NAALAD2: variants seen among roughly 807,000 people sequenced by gnomAD.
NAALAD2 encodes N-acetylated-alpha-linked acidic dipeptidase 2.
NAALAD2 carries 89 observed loss-of-function variants against 95.6 expected under a neutral mutation model. The observed-to-expected ratio is 0.93, with a 90% CI of 0.78 to 1.11. NAALAD2 has a LOEUF of 1.11. NAALAD2 is among the 50% of genes least tolerant of loss of function. The pLI is 0.00. For synonymous variants in NAALAD2, 264 were observed against 294.4 expected, an observed-to-expected ratio of 0.90 and a Z score of 1.06; for missense variants, 894 against 872.4, an observed-to-expected ratio of 1.02 and a Z score of -0.31.
intron 11 of NAALAD2, among the ~76,000 whole-genome samples, chr11:90,166,317 GTA>G (rs1364179421): frequency 1.0e-3 from 157 of 152,236 alleles, no homozygotes; most frequent in African/African-American, 3.6e-3. Context: ...TTGTGTATGT[GTA>G]TGAGAGAGAG....
chr11:90,191,254 T>C (rs1338183923), intron 18 of NAALAD2, among the ~76,000 whole-genome samples: 1 of 151,782 alleles, frequency 6.6e-6, no homozygotes, highest in East Asian at 1.9e-4. Context: ...GTTATCACCA[T>C]ATTTGTGGAT....
At chr11:90,185,104 A>G (rs1236209537) in intron 18 of NAALAD2, among the ~76,000 whole-genome samples, 2 of 151,928 alleles carry the variant, frequency 1.3e-5, no homozygotes, top group African/African-American at 2.4e-5. Flanking sequence ...TCTGGAACCA[A>G]TCCCCCATGG....
At chr11:90,186,959 T>G (rs1591032643) in intron 18 of NAALAD2, among the ~76,000 whole-genome samples, 2 of 145,038 alleles carry the variant, frequency 1.4e-5, no homozygotes, top group Admixed American at 1.4e-4. Flanking sequence ...GAATCTACAA[T>G]GAACTCAAAC....
chr11:90,148,186 T>C (rs1321244881), intron 3 of NAALAD2, among the ~76,000 whole-genome samples: 1 of 152,138 alleles, frequency 6.6e-6, no homozygotes, highest in Non-Finnish European at 1.5e-5. Flanking sequence ...CCTCTATGGA[T>C]CACACCTAGG....
At chr11:90,139,575 T>C (rs1565508467) in intron 2 of NAALAD2, among the ~76,000 whole-genome samples, 1 of 152,174 alleles carries the variant, frequency 6.6e-6, no homozygotes, top group African/African-American at 2.4e-5. Flanking sequence ...CCTCCTCTTA[T>C]CTCGACACTT....
chr11:90,181,827 C>A, intron 17 of NAALAD2, 126 bp downstream of exon 17: 1 of 616,570 alleles, frequency 1.6e-6, no homozygotes. Flanking sequence ...GTCTGCAAAT[C>A]AGCAATAGCA....
chr11:90,153,664 T>C lies in NAALAD2; in HGVS notation c.796+1180T>C, dbSNP rs563170265. Among the ~76,000 whole-genome samples the C allele has an allele frequency of 3.9e-5, 6 of 152,200 alleles. No individual in the cohort carries two copies. In the South Asian group the frequency reaches 1.0e-3, roughly 26 times the overall value. ...GGAGAATTGGCAATATTTGGGAGAATTGAATTAACAATATTGAATTTTCTG... is the reference window on the plus strand; with the variant it reads ...GGAGAATTGGCAATATTTGGGAGAACTGAATTAACAATATTGAATTTTCTG... On this transcript the variant is annotated intron_variant, in intron 6 of 18. Coordinates refer to ENST00000534061, the MANE Select transcript of NAALAD2 (RefSeq NM_005467.4).
At chr11:90,157,769 A>G (rs934634252) in intron 6 of NAALAD2, among the ~76,000 whole-genome samples, 2 of 151,552 alleles carry the variant, frequency 1.3e-5, no homozygotes, top group African/African-American at 4.9e-5. Flanking sequence ...TCTCCAGGCT[A>G]GAGTGCAGTG....
Position 90,147,449 on chromosome 11 carries a change from T to G in NAALAD2, c.314T>G (p.Val105Gly). The change falls in exon 3 of 19, where the codon GTC (valine) becomes GGC (glycine). Residue 105 changes from valine (V) to glycine (G), a missense_variant. Val to Gly is a moderately radical substitution (Grantham distance 109). Coordinates refer to ENST00000534061, the MANE Select transcript of NAALAD2 (RefSeq NM_005467.4). ...LDSAKLVHYD[V>G]LLSYPNETNA... ...TCAGCCAAGTTGGTTCATTATGATG[T>G]CCTCTTATCTTACCCCAATGAGACA... 1 of 1,613,926 alleles carries G rather than the reference T, an allele frequency of 6.2e-7. No individual in the cohort carries two copies. The highest frequency in any genetic ancestry group is 1.1e-5 in the South Asian group (1 of 91,050).
Position 90,175,926 on chromosome 11 carries a change from T to G in NAALAD2, c.1503-46T>G, listed in dbSNP as rs758022765. 36 of 621,396 alleles carry G rather than the reference T, an allele frequency of 5.8e-5. No individual in the cohort carries two copies. The Middle Eastern group carries it at 4.1e-3, about 70-fold the overall frequency. 38.5% of individuals were successfully genotyped at this position (621,396 alleles called of 1,614,324 possible). ...ATTTAACTTTGTATCATTTACTTGTTTATGTGTGTGTGTGTGTGTGTGTGT... is the reference window on the plus strand; with the variant it reads ...ATTTAACTTTGTATCATTTACTTGTGTATGTGTGTGTGTGTGTGTGTGTGT... On this transcript the variant is annotated intron_variant, in intron 14 of 18. Coordinates refer to ENST00000534061, the MANE Select transcript of NAALAD2 (RefSeq NM_005467.4).
chr11:90,188,069 T>G (rs892247564), intron 18 of NAALAD2, among the ~76,000 whole-genome samples: 2 of 152,166 alleles, frequency 1.3e-5, no homozygotes, highest in African/African-American at 4.8e-5. Context: ...CCAGACTGGT[T>G]ACAGCACAGA....
intron 15 of NAALAD2, among the ~76,000 whole-genome samples, chr11:90,176,289 G>A (rs1952792795): frequency 6.6e-6 from 1 of 152,156 alleles, no homozygotes; most frequent in Non-Finnish European, 1.5e-5. Context: ...GATTCACAGA[G>A]TAATGCCAGA....
intron 9 of NAALAD2, 26 bp from the exon 10 acceptor site, chr11:90,163,283 AG>A: frequency 6.3e-7 from 1 of 1,593,680 alleles, no homozygotes; most frequent in Non-Finnish European, 8.5e-7. Context: ...TCAAAGTTGT[AG>A]GTTTCTTGAA....
At chr11:90,166,873 G>A (rs1024914756) in intron 11 of NAALAD2, among the ~76,000 whole-genome samples, 9 of 151,296 alleles carry the variant, frequency 5.9e-5, no homozygotes, top group African/African-American at 1.2e-4. Flanking sequence ...ATTTCCACCC[G>A]GCACGGTGGC....
Position 90,159,277 on chromosome 11 carries a change from A to G in NAALAD2, c.929A>G (p.Lys310Arg). The G allele has an allele frequency of 6.2e-7, 1 of 1,613,942 alleles. No homozygotes were observed. The highest frequency in any genetic ancestry group is 1.1e-5 in the South Asian group (1 of 91,078). The change falls in exon 8 of 19, where the codon AAG becomes AGG. Residue 310 changes from lysine to arginine, a missense_variant. Physicochemically the swap from Lys to Arg is conservative, Grantham distance 26 (BLOSUM62 2). Transcript: ENST00000534061. ...ATTGCTCCACCAGATAAGAGTTGGAAGGGAGCCCTTAATGTGAGTTATAGT... is the reference window on the plus strand; with the variant it reads ...ATTGCTCCACCAGATAAGAGTTGGAGGGGAGCCCTTAATGTGAGTTATAGT... The part of the protein sequence containing the change: ...GGIAPPDKSW[K>R]GALNVSYSIG...
intron 13 of NAALAD2, among the ~76,000 whole-genome samples, chr11:90,171,804 G>T (rs1414879616): frequency 6.6e-6 from 1 of 152,134 alleles, no homozygotes; most frequent in Non-Finnish European, 1.5e-5. Context: ...AAGGGCAGCT[G>T]CCAGATGCAG....
intron 11 of NAALAD2, among the ~76,000 whole-genome samples, 193 bp from the exon 12 acceptor site, chr11:90,168,736 T>C (rs1160930806): frequency 2.0e-5 from 3 of 152,216 alleles, no homozygotes; most frequent in Non-Finnish European, 2.9e-5. Context: ...TTAATTCTTA[T>C]ATTAATTGCG....
rs534536453 is a variant in NAALAD2 at position 90,165,322 on chromosome 11, G to A, written c.1278+1705G>A. Among the ~76,000 whole-genome samples, 5 of 152,232 alleles carry A rather than the reference G, an allele frequency of 3.3e-5. No homozygotes were observed. The East Asian group carries it at 5.8e-4, about 18-fold the overall frequency. On this transcript the variant is annotated intron_variant, in intron 11 of 18. Transcript: ENST00000534061. ...TTATAATAGAATGATATATTTCTTT[G>A]GTTATATACCCAGTAATGGGATTGC...
Position 90,178,021 on chromosome 11 carries a change from C to CAAGACTATGCAGAAGCTTTGA in NAALAD2, c.1765_1785dup (p.Asp589_Lys595dup). On this transcript the variant is annotated inframe_insertion, in exon 16 of 19. Transcript: ENST00000534061. Reference sequence around the variant, plus strand: ...TTCTAAAATCATTCCTTTTAATATTCAAGACTATGCAGAAGCTTTGAAAAA... The same window carrying CAAGACTATGCAGAAGCTTTGA: ...TTCTAAAATCATTCCTTTTAATATTCAAGACTATGCAGAAGCTTTGAAAGACTATGCAGAAGCTTTGAAAAA... 2 of 1,613,790 alleles carry CAAGACTATGCAGAAGCTTTGA rather than the reference C, an allele frequency of 1.2e-6. No homozygotes were observed. Among genetic ancestry groups the CAAGACTATGCAGAAGCTTTGA allele is most frequent in the Non-Finnish European group, 1.7e-6 (2 of 1,179,904 alleles).
Sources: allele counts gnomAD v4.1 joint callset (sites outside exome capture counted in the v4.1 genomes callset), GRCh38; gene constraint gnomAD v4.1.1; transcripts MANE v1.5; gene names NCBI Gene and HGNC (gene_info 2026-07-23, HGNC 2026-07-21).